The following ABCG2 variants were observed in gnomAD, a reference collection of about 807,000 sequenced individuals.
The protein encoded by ABCG2 is broad substrate specificity ATP-binding cassette transporter ABCG2.
ABCG2 carries 80 observed loss-of-function variants against 73.5 expected under a neutral mutation model. The observed-to-expected ratio is 1.09, with a 90% CI of 0.91 to 1.31. The LOEUF is 1.31. ABCG2 is among the 50% of genes most tolerant of loss of function. The pLI is 0.00. For missense variants in ABCG2, 796 were observed against 786.2 expected (o/e 1.01, Z -0.15); for synonymous variants, 269 against 282.4 (o/e 0.95, Z 0.48).
At chr4:88,146,374 C>T (rs6532049) in intron 1 of ABCG2, among the ~76,000 whole-genome samples, 45,839 of 150,518 alleles carry the variant, frequency 0.3, 8,843 homozygotes, top group African/African-American at 0.55. Context: ...GAGTCTAGGA[C>T]AAATCCATAT....
intron 1 of ABCG2, among the ~76,000 whole-genome samples, chr4:88,165,716 A>G (rs1340288371): frequency 6.6e-6 from 1 of 152,176 alleles, no homozygotes; most frequent in East Asian, 1.9e-4. Flanking sequence ...TCTACTAAAA[A>G]TACAAAAATT....
chr4:88,102,348 G>A (rs1259481124), intron 10 of ABCG2, among the ~76,000 whole-genome samples: 5 of 152,218 alleles, frequency 3.3e-5, no homozygotes, highest in South Asian at 4.2e-4. Context: ...CTGTAATCTC[G>A]GCACTATGGG....
At chr4:88,138,858 A>G (rs1201565115) in intron 2 of ABCG2, among the ~76,000 whole-genome samples, 1 of 152,160 alleles carries the variant, frequency 6.6e-6, no homozygotes, top group Admixed American at 6.5e-5. Context: ...GACCATAAAA[A>G]AAAATGCGTG....
chr4:88,130,958 TGACCATACACA>T, intron 5 of ABCG2, 92 bp downstream of exon 5: 1 of 1,315,814 alleles, frequency 7.6e-7, no homozygotes. Flanking sequence ...CAACCATTTT[TGACCATACACA>T]TTACAGGAAA....
At chr4:88,220,802 A>G (rs1410079634) in intron 1 of ABCG2, among the ~76,000 whole-genome samples, 1 of 151,916 alleles carries the variant, frequency 6.6e-6, no homozygotes. Flanking sequence ...TTCTCATGAG[A>G]TCTGATGGTT....
intron 9 of ABCG2, among the ~76,000 whole-genome samples, chr4:88,108,054 C>CA (rs1333198919): frequency 6.6e-6 from 1 of 152,206 alleles, no homozygotes; most frequent in Non-Finnish European, 1.5e-5. Flanking sequence ...CTATCTTCAC[C>CA]ACTCAATTGA....
intron 1 of ABCG2, among the ~76,000 whole-genome samples, chr4:88,191,178 G>A (rs1728674814): frequency 6.8e-6 from 1 of 147,526 alleles, no homozygotes; most frequent in Non-Finnish European, 1.5e-5. Flanking sequence ...CCAGGAGGCT[G>A]GAGTGCACTG....
intron 6 of ABCG2, among the ~76,000 whole-genome samples, chr4:88,119,717 T>C (rs1391919485): frequency 6.6e-6 from 1 of 152,236 alleles, no homozygotes; most frequent in African/African-American, 2.4e-5. Flanking sequence ...AAGAAATTTC[T>C]AAGCAACAAA....
intron 7 of ABCG2, among the ~76,000 whole-genome samples, chr4:88,115,833 A>G (rs1487522407): frequency 7.2e-5 from 11 of 152,166 alleles, no homozygotes; most frequent in Admixed American, 3.3e-4. Context: ...CTGCTCTCTG[A>G]GTTCACCGAC....
intron 1 of ABCG2, among the ~76,000 whole-genome samples, chr4:88,179,535 A>C (rs956983096): frequency 6.6e-6 from 1 of 152,222 alleles, no homozygotes; most frequent in Non-Finnish European, 1.5e-5. Context: ...ATCCAGGAAA[A>C]CATGACCTCA....
chr4:88,199,689 GT>G (rs1171992058), intron 1 of ABCG2, among the ~76,000 whole-genome samples: 1 of 152,174 alleles, frequency 6.6e-6, no homozygotes, highest in Non-Finnish European at 1.5e-5. Flanking sequence ...TTGCAGAAAT[GT>G]TTTTTAAAAG....
At chr4:88,173,267 T>G (rs754608506) in intron 1 of ABCG2, among the ~76,000 whole-genome samples, 4 of 152,144 alleles carry the variant, frequency 2.6e-5, no homozygotes, top group Non-Finnish European at 5.9e-5. Context: ...GATACCTGCC[T>G]TTTTTCCCTC....
intron 11 of ABCG2, among the ~76,000 whole-genome samples, chr4:88,099,669 T>A (rs1334727733): frequency 6.6e-6 from 1 of 152,198 alleles, no homozygotes; most frequent in Non-Finnish European, 1.5e-5. Context: ...CCTCTTCTCA[T>A]GACACTGTTC....
At chr4:88,111,549 T>A (rs1452864111) in intron 9 of ABCG2, among the ~76,000 whole-genome samples, 2 of 152,140 alleles carry the variant, frequency 1.3e-5, no homozygotes, top group Non-Finnish European at 2.9e-5. Flanking sequence ...ATTAGCAGTA[T>A]GGCTTAACTA....
In ABCG2 at chr4:88,180,796, T is replaced by C. The variant is rs146894819; in HGVS notation, c.-19-40782A>G. ...AATAAGGAAAAAGAAGAAAAGAATG[T>C]TAATGAGCAATAAGGAATCACCTGA... On this transcript the variant is annotated intron_variant, in intron 1 of 15. Transcript: ENST00000515655. Among the ~76,000 whole-genome samples, 444 of 152,084 alleles carry C rather than the reference T, an allele frequency of 2.9e-3. 1 individual carries two copies. The highest frequency in any genetic ancestry group is 5.0e-3 in the Non-Finnish European group (337 of 67,970).
At chr4:88,217,549 CTA>C (rs1333282615) in intron 1 of ABCG2, among the ~76,000 whole-genome samples, 1 of 152,020 alleles carries the variant, frequency 6.6e-6, no homozygotes, top group East Asian at 1.9e-4. Context: ...ATAGTCCCAG[CTA>C]CTCAGGAGGC....
intron 1 of ABCG2, among the ~76,000 whole-genome samples, chr4:88,183,923 AAT>A (rs947481110): frequency 8.5e-5 from 13 of 152,228 alleles, no homozygotes; most frequent in Admixed American, 7.2e-4. Flanking sequence ...CAAATCCATC[AAT>A]GTCATACGTC....
intron 5 of ABCG2, among the ~76,000 whole-genome samples, chr4:88,122,656 G>A (rs574310244): frequency 1.3e-5 from 2 of 152,200 alleles, no homozygotes; most frequent in African/African-American, 4.8e-5. Context: ...AAAGGCAGCA[G>A]CCCCAGTCAG....
chr4:88,190,108 C>T (rs1728624046), intron 1 of ABCG2, among the ~76,000 whole-genome samples: 1 of 152,278 alleles, frequency 6.6e-6, no homozygotes, highest in East Asian at 1.9e-4. Flanking sequence ...ATATACTGAA[C>T]ACAATTCCTT....
Sources: gnomAD v4.1 joint callset for allele counts (sites outside exome capture counted in the v4.1 genomes callset) on GRCh38, gnomAD v4.1.1 for gene constraint, MANE v1.5 for transcripts, NCBI Gene and HGNC (gene_info 2026-07-23, HGNC 2026-07-21) for gene names.